Variants in USP34 observed in about 807,000 individuals in gnomAD.
USP34 encodes the protein ubiquitin specific peptidase 34.
USP34 carries 70 observed loss-of-function variants against 460.3 expected under a neutral mutation model. That is an observed-to-expected ratio of 0.15 (90% CI 0.13 to 0.19). The LOEUF is 0.19. Among genes scored for constraint, USP34 ranks in the 10% least tolerant of loss-of-function variants. USP34 has a pLI of 1.00. For missense variants in USP34, 3,985 were observed against 4,236.2 expected (o/e 0.94, Z 1.65); for synonymous variants, 1,647 against 1,405.3 (o/e 1.17, Z -3.85).
At chr2:61,423,219 T>C (rs1366529717) in intron 1 of USP34, among the ~76,000 whole-genome samples, 3 of 152,168 alleles carry the variant, frequency 2.0e-5, no homozygotes, top group African/African-American at 7.2e-5. Flanking sequence ...GTTCAAGCGA[T>C]TCTCCTGCCT....
chr2:61,254,962 C>T (rs545026003), intron 48 of USP34, among the ~76,000 whole-genome samples: 1 of 152,268 alleles, frequency 6.6e-6, no homozygotes, highest in East Asian at 1.9e-4. Flanking sequence ...CCTCCCGATT[C>T]AGCCTCCCGA....
At chr2:61,409,161 A>C (rs1412958066) in intron 2 of USP34, among the ~76,000 whole-genome samples, 1 of 152,156 alleles carries the variant, frequency 6.6e-6, no homozygotes, top group African/African-American at 2.4e-5. Context: ...TGGAAGGTGC[A>C]GTCAGCCAAG....
At chr2:61,420,689 C>A (rs533099186) in intron 2 of USP34, 57 bp downstream of exon 2, 8 of 1,331,566 alleles carry the variant, frequency 6.0e-6, no homozygotes, top group Non-Finnish European at 8.3e-6. Context: ...CAATAAAAAT[C>A]GCAACTTATA....
intron 14 of USP34, 25 bp from the exon 15 acceptor site, chr2:61,348,505 A>G (rs760043287): frequency 1.3e-6 from 2 of 1,590,758 alleles, no homozygotes; most frequent in Non-Finnish European, 1.7e-6. Context: ...AAATAGATTT[A>G]AATAAATATT....
chr2:61,451,220 CAA>C (rs70963432), intron 1 of USP34, among the ~76,000 whole-genome samples: 816 of 50,576 alleles, frequency 0.016, 2 homozygotes, highest in African/African-American at 0.078. Flanking sequence ...GGCTTCATCT[CAA>C]AAAAAAAAAA....
At chr2:61,419,803 T>A (rs1054615815) in intron 2 of USP34, among the ~76,000 whole-genome samples, 1 of 152,180 alleles carries the variant, frequency 6.6e-6, no homozygotes, top group Non-Finnish European at 1.5e-5. Context: ...ATAAACATAT[T>A]AGTATTATGC....
Position 61,241,567 on chromosome 2 carries a change from A to G in USP34, c.6770T>C (p.Leu2257Ser). 6.2e-7 allele frequency: 1 copy of G among 1,600,122 alleles called. No individual in the cohort carries two copies. Among genetic ancestry groups the G allele is most frequent in the Non-Finnish European group, 8.5e-7 (1 of 1,175,656 alleles). Residue 2257 changes from leucine to serine, a missense_variant, in exon 53 of 80, where the codon TTA (leucine) becomes TCA (serine). Leu to Ser is a moderately radical substitution (Grantham distance 145). Around this residue, in one of 14 missense-constraint regions of USP34, gnomAD observed 604 missense variants for 684.8 expected, o/e 0.88. Coordinates refer to ENST00000398571, the MANE Select transcript of USP34 (RefSeq NM_014709.4). ...REYKFDVSSELLEWIWHDNMQ... is the reference protein window; with the variant it reads ...REYKFDVSSESLEWIWHDNMQ... Reference sequence around the variant, plus strand: ...AATGAAATTAACTTATACCTCTAGTAACTCTGACGAAACATCAAATTTGTA... The same window carrying G: ...AATGAAATTAACTTATACCTCTAGTGACTCTGACGAAACATCAAATTTGTA...
chr2:61,462,164 G>A (rs1229184858), intron 1 of USP34, among the ~76,000 whole-genome samples: 4 of 151,610 alleles, frequency 2.6e-5, no homozygotes, highest in Admixed American at 6.6e-5. Context: ...GCTTGAACCC[G>A]GGAGGCGGAG....
At chr2:61,212,284 G>C (rs1223662386) in intron 68 of USP34, among the ~76,000 whole-genome samples, 1 of 152,124 alleles carries the variant, frequency 6.6e-6, no homozygotes, top group Non-Finnish European at 1.5e-5. Context: ...TTTAGAAAGA[G>C]TAAAAACTGT....
At chr2:61,265,199 A>C in intron 43 of USP34, 198 bp downstream of exon 43, 1 of 581,540 alleles carries the variant, frequency 1.7e-6, no homozygotes, top group Non-Finnish European at 2.9e-6. Context: ...TTTGAGAACT[A>C]AACTGTACTA....
At chr2:61,415,043 A>C (rs1217121617) in intron 2 of USP34, among the ~76,000 whole-genome samples, 1 of 152,142 alleles carries the variant, frequency 6.6e-6, no homozygotes, top group Non-Finnish European at 1.5e-5. Flanking sequence ...GGGAGGTTGC[A>C]AAGCGGGGTA....
chr2:61,446,903 C>A (rs1432701020), intron 1 of USP34, among the ~76,000 whole-genome samples: 3 of 151,928 alleles, frequency 2.0e-5, no homozygotes, highest in African/African-American at 7.3e-5. Flanking sequence ...AAATATTGGT[C>A]CACTAAGTTA....
intron 1 of USP34, among the ~76,000 whole-genome samples, chr2:61,468,158 G>T (rs561621702): frequency 6.6e-6 from 1 of 152,258 alleles, no homozygotes; most frequent in East Asian, 1.9e-4. Flanking sequence ...TAATAGTGTG[G>T]TATAAACTAC....
At chr2:61,317,514 T>C (rs1690788251) in intron 23 of USP34, 140 bp downstream of exon 23, 1 of 656,298 alleles carries the variant, frequency 1.5e-6, no homozygotes. Context: ...GCAACAGAGA[T>C]AGACTCCATC....
intron 17 of USP34, 36 bp downstream of exon 17, chr2:61,339,530 A>T: frequency 6.4e-7 from 1 of 1,563,048 alleles, no homozygotes; most frequent in Non-Finnish European, 8.6e-7. Flanking sequence ...ATCTTGCTGA[A>T]ATTTCTTACT....
chr2:61,390,990 G>A lies in USP34; in HGVS notation c.753+3863C>T, dbSNP rs1202239046. Among the ~76,000 whole-genome samples the A allele has an allele frequency of 2.0e-5, 3 of 151,988 alleles. No individual in the cohort carries two copies. The South Asian group carries it at 6.2e-4, about 32-fold the overall frequency. On this transcript the variant is annotated intron_variant, in intron 5 of 79. Coordinates refer to ENST00000398571, the MANE Select transcript of USP34 (RefSeq NM_014709.4). ...CGTGCCTGTAGTCCCAGCTACTCGG[G>A]AAGCTAAGGCAGGAGAATCGCTTGA...
intron 48 of USP34, 34 bp downstream of exon 48, chr2:61,256,350 G>T: frequency 6.5e-7 from 1 of 1,548,560 alleles, no homozygotes; most frequent in South Asian, 1.1e-5. Context: ...CTTCTACGGT[G>T]AACATAATAA....
At chr2:61,303,277 G>C (rs1166119568) in intron 27 of USP34, among the ~76,000 whole-genome samples, 1 of 152,030 alleles carries the variant, frequency 6.6e-6, no homozygotes, top group Non-Finnish European at 1.5e-5. Context: ...TGTTGGCCAG[G>C]CTGGTCTTGA....
In USP34 at chr2:61,295,279, T is replaced by A. The variant is rs1460792804; in HGVS notation, c.4266A>T (p.Gly1422=). 6.2e-7 allele frequency: 1 copy of A among 1,602,642 alleles called. No individual in the cohort carries two copies. The highest frequency in any genetic ancestry group is 8.5e-7 in the Non-Finnish European group (1 of 1,176,090). The change falls in exon 31 of 80, where the codon GGA becomes GGT. Residue 1422 remains glycine, a synonymous_variant. Coordinates refer to ENST00000398571, the MANE Select transcript of USP34 (RefSeq NM_014709.4). ...TTTTGAGAAGTTCTTTCCAATTAAA[T>A]CCATCATTACTCTTAAATTAGAAAA... ...QNISDEQSND[G]FNWKELLKIK...
Sources: allele counts gnomAD v4.1 joint callset (sites outside exome capture counted in the v4.1 genomes callset), GRCh38; gene constraint gnomAD v4.1.1; regional missense constraint gnomAD v4.1.1; transcripts MANE v1.5; gene names NCBI Gene and HGNC (gene_info 2026-07-23, HGNC 2026-07-21).